Variants in TOGARAM1 observed in about 807,000 individuals in gnomAD.
TOGARAM1 encodes the protein TOG array regulator of axonemal microtubules protein 1.
TOGARAM1 carries 100 observed loss-of-function variants against 166.6 expected under a neutral mutation model. That is an observed-to-expected ratio of 0.60 (90% CI 0.51 to 0.71). TOGARAM1 has a LOEUF of 0.71. Among genes scored for constraint, TOGARAM1 ranks in the 30% least tolerant of loss-of-function variants. The pLI is 0.00. For synonymous variants in TOGARAM1, 758 were observed against 763.8 expected (o/e 0.99, Z 0.13); for missense variants, 2,029 against 2,102.7 (o/e 0.96, Z 0.69).
chr14:45,026,271 A>C (rs976577297), intron 8 of TOGARAM1, among the ~76,000 whole-genome samples: 3 of 152,156 alleles, frequency 2.0e-5, no homozygotes, highest in African/African-American at 7.2e-5. Context: ...AACTCCTGTT[A>C]TATATTTTAA....
chr14:45,052,005 C>G (rs2138972323), intron 14 of TOGARAM1, among the ~76,000 whole-genome samples: 1 of 152,328 alleles, frequency 6.6e-6, no homozygotes, highest in East Asian at 1.9e-4. Context: ...GCTGAGAACA[C>G]TTACATTAGC....
At chr14:44,992,819 G>A (rs968820846) in intron 1 of TOGARAM1, among the ~76,000 whole-genome samples, 9 of 151,216 alleles carry the variant, frequency 6.0e-5, no homozygotes, top group Non-Finnish European at 8.9e-5. Flanking sequence ...GGTTTTCACC[G>A]TGTTAGCCAG....
At chr14:44,997,878 G>C (rs908720268) in intron 2 of TOGARAM1, among the ~76,000 whole-genome samples, 1 of 152,100 alleles carries the variant, frequency 6.6e-6, no homozygotes, top group Non-Finnish European at 1.5e-5. Flanking sequence ...AGGATTTCAA[G>C]ATATAGCACC....
In TOGARAM1 at chr14:45,009,279, T is replaced by G. The variant is rs1304010575; in HGVS notation, c.3137+134T>G. The G allele has an allele frequency of 4.1e-6, 3 of 726,712 alleles. No individual in the cohort carries two copies. In the African/African-American group the frequency reaches 5.5e-5, roughly 13 times the overall value. 45.0% of individuals were successfully genotyped at this position (726,712 alleles called of 1,614,324 possible). ...AATGTTAAAATATATTTAAAAGACA[T>G]TGGAAATGTTTACAGATATTACCTT... On this transcript the variant is annotated intron_variant, in intron 6 of 19. Coordinates refer to ENST00000361462, the MANE Select transcript of TOGARAM1 (RefSeq NM_001308120.2).
chr14:44,963,035 T>C lies in TOGARAM1; in HGVS notation c.614T>C (p.Ile205Thr). ...AAAGATGCGCTGCAGATCCTTCATATATGTCTGAAACGTAGTCCTGGAGAG... is the reference window on the plus strand; with the variant it reads ...AAAGATGCGCTGCAGATCCTTCATACATGTCTGAAACGTAGTCCTGGAGAG... ...LRKDALQILH[I>T]CLKRSPGEVL... Residue 205 changes from isoleucine to threonine, a missense_variant, in exon 1 of 20, where the codon ATA becomes ACA. By Grantham distance (89) the Ile-to-Thr change is moderately conservative. Around this residue, in one of 2 missense-constraint regions of TOGARAM1, gnomAD observed 1,453 missense variants for 1,432.2 expected, o/e 1.01. Transcript: ENST00000361462. 3 of 1,614,182 alleles carry C rather than the reference T, an allele frequency of 1.9e-6. No homozygotes were observed. The highest frequency in any genetic ancestry group is 3.3e-5 in the Admixed American group (2 of 60,022).
rs1218870861 is a variant in TOGARAM1 at position 44,963,741 on chromosome 14, T to C, written c.1320T>C (p.Ser440=). The change falls in exon 1 of 20, where the codon TCT becomes TCC. Residue 440 remains serine (S), a synonymous_variant. Transcript: ENST00000361462. ...TCTTGGGACCAGTTATAGCAGCTTC[T>C]GTCAAAGTGCTGGCGGACAACAAGT... The part of the protein sequence containing the change: ...QQFLGPVIAA[S]VKVLADNKLV... 7 of 1,613,858 alleles carry C rather than the reference T, an allele frequency of 4.3e-6. No individual in the cohort carries two copies. The highest frequency in any genetic ancestry group is 2.7e-5 in the African/African-American group (2 of 74,934).
intron 1 of TOGARAM1, among the ~76,000 whole-genome samples, chr14:44,991,477 G>A (rs1470862891): frequency 2.0e-5 from 3 of 152,098 alleles, no homozygotes; most frequent in Non-Finnish European, 4.4e-5. Flanking sequence ...TGGAATATTA[G>A]GCAGCCATTA....
chr14:45,052,371 T>C, intron 14 of TOGARAM1, 65 bp from the exon 15 acceptor site: 1 of 1,428,776 alleles, frequency 7.0e-7, no homozygotes, highest in Non-Finnish European at 9.6e-7. Context: ...ACAATGCATC[T>C]AAGGTCAGCA....
At chr14:45,047,928 T>G in intron 14 of TOGARAM1, among the ~76,000 whole-genome samples, 1 of 151,668 alleles carries the variant, frequency 6.6e-6, no homozygotes, top group South Asian at 2.1e-4. Context: ...TGGTGGCACA[T>G]GCCTGTAATC....
chr14:44,993,804 A>G (rs1887267409), intron 1 of TOGARAM1, among the ~76,000 whole-genome samples: 1 of 152,152 alleles, frequency 6.6e-6, no homozygotes, highest in Non-Finnish European at 1.5e-5. Flanking sequence ...CACCCTCATC[A>G]ACATTACCAC....
chr14:45,000,071 C>T (rs1036643465), intron 3 of TOGARAM1, among the ~76,000 whole-genome samples: 5 of 152,014 alleles, frequency 3.3e-5, no homozygotes, highest in Non-Finnish European at 5.9e-5. Flanking sequence ...CGGCTCACTG[C>T]GACCTCCGCC....
intron 19 of TOGARAM1, 120 bp from the exon 20 acceptor site, chr14:45,073,176 A>G: frequency 9.9e-7 from 1 of 1,007,456 alleles, no homozygotes; most frequent in Non-Finnish European, 1.4e-6. Context: ...TAAGAAGCCT[A>G]ACTTTTTAGG....
At chr14:44,977,902 T>C (rs1487473660) in intron 1 of TOGARAM1, among the ~76,000 whole-genome samples, 1 of 151,668 alleles carries the variant, frequency 6.6e-6, no homozygotes, top group Non-Finnish European at 1.5e-5. Flanking sequence ...CTCCCTCCAC[T>C]GCCTCTGAAA....
chr14:45,062,301 A>G (rs934216793), intron 16 of TOGARAM1, among the ~76,000 whole-genome samples: 1 of 152,032 alleles, frequency 6.6e-6, no homozygotes, highest in Non-Finnish European at 1.5e-5. Flanking sequence ...ATCCACTGTG[A>G]TTACGTTTAA....
At chr14:44,973,453 A>G (rs1011334423) in intron 1 of TOGARAM1, among the ~76,000 whole-genome samples, 8 of 151,934 alleles carry the variant, frequency 5.3e-5, no homozygotes, top group African/African-American at 1.9e-4. Context: ...ACAGACACAC[A>G]CATAAGCATA....
chr14:45,022,530 A>T (rs554883248), intron 7 of TOGARAM1, among the ~76,000 whole-genome samples: 41 of 151,924 alleles, frequency 2.7e-4, no homozygotes, highest in African/African-American at 8.7e-4. Context: ...GGTGCTATCA[A>T]TGCCTAAGTG....
At chr14:44,976,992 A>C (rs1239950381) in intron 1 of TOGARAM1, among the ~76,000 whole-genome samples, 2 of 152,204 alleles carry the variant, frequency 1.3e-5, no homozygotes, top group African/African-American at 2.4e-5. Context: ...ATTGCTAACG[A>C]TTAAAAGCAG....
intron 1 of TOGARAM1, among the ~76,000 whole-genome samples, chr14:44,964,951 TAAAAAAAA>T (rs35780816): frequency 1.3e-4 from 11 of 85,906 alleles, no homozygotes; most frequent in South Asian, 4.9e-4. Flanking sequence ...ACTAGAAAAG[TAAAAAAAA>T]AAAAAAAAAA....
At chr14:45,035,344 G>T (rs1881370585) in intron 11 of TOGARAM1, among the ~76,000 whole-genome samples, 1 of 151,786 alleles carries the variant, frequency 6.6e-6, no homozygotes, top group African/African-American at 2.4e-5. Flanking sequence ...GGGCAACAGG[G>T]TGAGACTCTG....
Sources: allele counts gnomAD v4.1 joint callset (sites outside exome capture counted in the v4.1 genomes callset), GRCh38; gene constraint gnomAD v4.1.1; regional missense constraint gnomAD v4.1.1; transcripts MANE v1.5; gene names NCBI Gene and HGNC (gene_info 2026-07-23, HGNC 2026-07-21).